The following NLRP7 variants were observed in gnomAD, a reference collection of about 807,000 sequenced individuals.
NLRP7 encodes the protein NLR family pyrin domain containing 7, also known as NACHT, LRR and PYD domains-containing protein 7.
Under a neutral mutation model 85.5 loss-of-function variants are expected in NLRP7, and 72 were observed. That is an observed-to-expected ratio of 0.84 (90% CI 0.70 to 1.02). The LOEUF is 1.02. NLRP7 is among the 50% of genes least tolerant of loss of function. The pLI is 0.00. For synonymous variants in NLRP7, 550 were observed against 505.2 expected, an observed-to-expected ratio of 1.09 and a Z score of -1.19; for missense variants, 1,243 against 1,219.5, an observed-to-expected ratio of 1.02 and a Z score of -0.29.
At chr19:54,924,008 C>A (rs2068330674) in intron 9 of NLRP7, 136 bp from the exon 11 acceptor site, 1 of 943,888 alleles carries the variant, frequency 1.1e-6, no homozygotes, top group Non-Finnish European at 1.6e-6. Flanking sequence ...TGCTCTGTTG[C>A]CCAGGCTGGG....
rs1340954076 is a variant in NLRP7, at chr19:54,934,634, C to T, written c.2326G>A (p.Glu776Lys). Residue 776 changes from glutamate (E) to lysine (K), a missense_variant, in exon 7 of 10, where the codon GAG becomes AAG. Coordinates refer to ENST00000340844, the Ensembl canonical transcript of NLRP7. The surrounding 1 kb of genome is among the most constrained non-coding windows in gnomAD (Gnocchi z 6.7). ...ACATAGAAGAATTCAGCCCACTGCTCCGGGGTGGCACAGTGACCTCCCAAC... is the reference window on the plus strand; with the variant it reads ...ACATAGAAGAATTCAGCCCACTGCTTCGGGGTGGCACAGTGACCTCCCAAC... 1 of 1,613,818 alleles carries T rather than the reference C, an allele frequency of 6.2e-7. No homozygotes were observed.
intron 1 of NLRP7, among the ~76,000 whole-genome samples, chr19:54,964,831 AAATAAT>A (rs1348122780): frequency 1.1e-5 from 1 of 88,474 alleles, no homozygotes; most frequent in Non-Finnish European, 2.5e-5. Flanking sequence ...ATTAAAAATA[AAATAAT>A]AATAATACTG....
intron 1 of NLRP7, among the ~76,000 whole-genome samples, chr19:54,964,600 A>G (rs2070251624): frequency 6.6e-6 from 1 of 151,820 alleles, no homozygotes; most frequent in Non-Finnish European, 1.5e-5. Context: ...AGGCTGGCAG[A>G]TCACCTGAGG....
In NLRP7 at chr19:54,961,891, G is replaced by A. The variant is rs1483781002; in HGVS notation, c.-77+4149C>T. Among the ~76,000 whole-genome samples the A allele has an allele frequency of 2.0e-5, 3 of 151,662 alleles. 1 individual carries two copies. The highest frequency in any genetic ancestry group is 7.3e-5 in the African/African-American group (3 of 41,346). On this transcript the variant is annotated intron_variant, in intron 1 of 2. Transcript: ENST00000587103. ...AGAAGGTAGAAAAAGGTCGGGGGAA[G>A]TGGATGCCTGTAATCCCAGAACTTT...
intron 1 of NLRP7, among the ~76,000 whole-genome samples, chr19:54,959,514 C>G (rs1286612677): frequency 6.6e-6 from 1 of 151,518 alleles, no homozygotes; most frequent in African/African-American, 2.4e-5. Context: ...TCTTCCCTCA[C>G]CAGCACTTTG....
upstream of NLRP7, chr19:54,947,601 G>T (rs1308383387): frequency 1.6e-6 from 2 of 1,289,530 alleles, no homozygotes; most frequent in Admixed American, 4.6e-5. Context: ...GCCCCACTGA[G>T]ATTAACATTG....
intron 9 of NLRP7, 25 bp downstream of exon 9, chr19:54,930,474 A>G (rs1556725004): frequency 6.5e-7 from 1 of 1,545,570 alleles, no homozygotes; most frequent in South Asian, 1.1e-5. Flanking sequence ...AAAAAGAAAG[A>G]AAGAAGAAAA....
chr19:54,963,956 C>T (rs1399027043), intron 1 of NLRP7, among the ~76,000 whole-genome samples: 1 of 149,874 alleles, frequency 6.7e-6, no homozygotes, highest in Non-Finnish European at 1.5e-5. Context: ...TCTCGGCTCA[C>T]TGCAACCTCC....
rs776886682 is a variant in NLRP7 at position 54,934,612 on chromosome 19, TAGA to T, written c.2345_2347del (p.Phe782del). The T allele has an allele frequency of 4.3e-6, 7 of 1,614,004 alleles. No homozygotes were observed. Among genetic ancestry groups the T allele is most frequent in the Non-Finnish European group, 5.9e-6 (7 of 1,179,970 alleles). On this transcript the variant is annotated inframe_deletion, in exon 7 of 10. Coordinates refer to ENST00000340844, the Ensembl canonical transcript of NLRP7. This position sits in a 1 kb window ranked among gnomAD's most constrained non-coding sequence, Gnocchi z 6.7. ...CAGGGACTGGTTGGCTTTGAGGACATAGAAGAATTCAGCCCACTGCTCCGGGGT... is the reference window on the plus strand; with the variant it reads ...CAGGGACTGGTTGGCTTTGAGGACATAGAATTCAGCCCACTGCTCCGGGGT...
intron 1 of NLRP7, among the ~76,000 whole-genome samples, chr19:54,962,382 C>G (rs1251143598): frequency 6.7e-6 from 1 of 149,908 alleles, no homozygotes; most frequent in African/African-American, 2.4e-5. Flanking sequence ...ATTTTCCTGC[C>G]TCAGCCTCCA....
upstream of NLRP7, among the ~76,000 whole-genome samples, chr19:54,949,720 G>C (rs1478125614): frequency 6.6e-6 from 1 of 152,132 alleles, no homozygotes; most frequent in African/African-American, 2.4e-5. Flanking sequence ...CCAGGGAGGG[G>C]AGAGGGGCTG....
intron 1 of NLRP7, among the ~76,000 whole-genome samples, chr19:54,946,475 G>A (rs1209983912): frequency 4.7e-5 from 7 of 150,442 alleles, no homozygotes; most frequent in African/African-American, 1.2e-4. Context: ...GATTACAGGC[G>A]TGAGCCACCG....
chr19:54,934,833 C>T lies in NLRP7; in HGVS notation c.2301-174G>A, dbSNP rs180736973. The stretch of plus-strand genomic sequence containing the variant: ...CAAGCTATTCTCCTGCCTCAGCCTC[C>T]GAAGTAGCTGGGATTACAGGCATTC... On this transcript the variant is annotated intron_variant, in intron 6 of 9. Transcript: ENST00000340844. This position sits in a 1 kb window ranked among gnomAD's most constrained non-coding sequence, Gnocchi z 6.7. 2.5e-4 allele frequency among the ~76,000 whole-genome samples: 38 copies of T among 152,162 alleles called. No individual in the cohort carries two copies. The highest frequency in any genetic ancestry group is 4.2e-4 in the South Asian group (2 of 4,806).
intron 6 of NLRP7, 119 bp downstream of exon 6, chr19:54,936,142 G>C (rs2068913365): frequency 2.3e-6 from 2 of 867,858 alleles, no homozygotes; most frequent in Non-Finnish European, 3.8e-6. Flanking sequence ...AGGCCTGTTT[G>C]AGGAATACAT....
chr19:54,963,465 G>A (rs1298641651), intron 1 of NLRP7, among the ~76,000 whole-genome samples: 6 of 151,556 alleles, frequency 4.0e-5, no homozygotes, highest in Admixed American at 3.3e-4. Context: ...CGAGGCGGGC[G>A]GATCACGAGG....
chr19:54,946,533 C>T (rs1399761270), intron 1 of NLRP7, among the ~76,000 whole-genome samples: 1 of 151,696 alleles, frequency 6.6e-6, no homozygotes, highest in Non-Finnish European at 1.5e-5. Context: ...TCATCTCATC[C>T]AGGCTGGAGT....
intron 1 of NLRP7, among the ~76,000 whole-genome samples, chr19:54,943,616 G>A (rs1322240338): frequency 6.6e-6 from 1 of 151,700 alleles, no homozygotes; most frequent in Non-Finnish European, 1.5e-5. Context: ...GGGGGGCGGG[G>A]GGAAGAGGCA....
chr19:54,951,955 T>C (rs1041268427), upstream of NLRP7, among the ~76,000 whole-genome samples: 6 of 152,104 alleles, frequency 3.9e-5, no homozygotes, highest in Admixed American at 6.6e-5. Context: ...GGTTTCACCA[T>C]GTTAGCCAGG....
At chr19:54,933,523 T>G in intron 8 of NLRP7, 46 bp downstream of exon 8, 1 of 1,603,462 alleles carries the variant, frequency 6.2e-7, no homozygotes. Flanking sequence ...ATGTCTCTCC[T>G]GCTTGAATTC....
Sources: gnomAD v4.1 joint callset for allele counts (sites outside exome capture counted in the v4.1 genomes callset) on GRCh38, gnomAD v4.1.1 for gene constraint, Gnocchi (gnomAD v3.1) non-coding constraint, MANE v1.5 for transcripts, NCBI Gene and HGNC (gene_info 2026-07-23, HGNC 2026-07-21) for gene names.